KLC3: variants seen among roughly 807,000 people sequenced by gnomAD.
KLC3 encodes kinesin light chain 2.
A neutral mutation model predicts 62.9 loss-of-function variants in KLC3; 72 were observed. The ratio of observed to expected loss-of-function variants is 1.15; its 90% CI spans 0.95 to 1.39. The LOEUF (loss-of-function observed/expected upper bound fraction) is 1.39. KLC3 is among the 40% of genes most tolerant of loss of function. The pLI is 0.00. For synonymous variants in KLC3, 377 were observed against 300.5 expected, an observed-to-expected ratio of 1.25 and a Z score of -2.63; for missense variants, 848 against 691.6, an observed-to-expected ratio of 1.23 and a Z score of -2.54.
intron 4 of KLC3, 117 bp downstream of exon 4, chr19:45,347,633 G>A (rs1391472315): frequency 1.1e-6 from 1 of 933,486 alleles, no homozygotes; most frequent in East Asian, 2.5e-5. Flanking sequence ...GCAGGGTGAG[G>A]AGGACCCTGA....
chr19:45,346,762 G>A lies in KLC3; in HGVS notation c.477G>A (p.Pro159=), dbSNP rs751407437. 6.3e-6 allele frequency: 10 copies of A among 1,580,664 alleles called. No individual in the cohort carries two copies. Among genetic ancestry groups the A allele is most frequent in the East Asian group, 2.3e-5 (1 of 42,882 alleles). Residue 159 remains proline, a synonymous_variant, in exon 3 of 13, where the codon CCG becomes CCA. Coordinates refer to ENST00000391946, the MANE Select transcript of KLC3 (RefSeq NM_177417.3). ...GGCAGCTGCGACAGTACGACCCACC[G>A]GCGGAGAGCCAGGTGCCACGGGCAG... The part of the protein sequence containing the change: ...FLGQLRQYDP[P]AESQQSESPP...
intron 3 of KLC3, 188 bp downstream of exon 3, chr19:45,346,962 G>A: frequency 1.9e-6 from 1 of 532,020 alleles, no homozygotes; most frequent in Non-Finnish European, 3.3e-6. Context: ...AACTTCCACA[G>A]ACGCCCCCAC....
intron 8 of KLC3, 94 bp downstream of exon 8, chr19:45,349,696 T>TGGGGGGGGGCCCCCCAGGCC (rs1555774258): frequency 1.5e-6 from 1 of 665,794 alleles, no homozygotes; most frequent in African/African-American, 1.8e-5. Context: ...AACGTGAGGG[T>TGGGGGGGGGCCCCCCAGGCC]GGGGGGGGGC....
intron 1 of KLC3, among the ~76,000 whole-genome samples, chr19:45,341,776 CGT>C (rs3047585): frequency 0.73 from 98,695 of 134,650 alleles, 39,756 homozygotes; most frequent in Non-Finnish European, 0.9. Flanking sequence ...GCCGTGTGTG[CGT>C]GTGTGTGTGT....
chr19:45,349,642 G>T (rs1215241979), intron 8 of KLC3, 40 bp downstream of exon 8: 2 of 1,529,676 alleles, frequency 1.3e-6, no homozygotes, highest in Admixed American at 3.8e-5. Context: ...AGAGTGGAGG[G>T]TCCTGCCCTG....
At chr19:45,349,318 ACT>A (rs1436525846) in intron 7 of KLC3, 109 bp from the exon 8 acceptor site, 170 of 1,115,554 alleles carry the variant, frequency 1.5e-4, no homozygotes, top group Non-Finnish European at 2.1e-4. Flanking sequence ...CTCTCAGGTC[ACT>A]CTCTGCTTTG....
Position 45,350,624 on chromosome 19 carries a change from C to T in KLC3, c.1273-17C>T, listed in dbSNP as rs1971696264. 2 of 1,612,946 alleles carry T rather than the reference C, an allele frequency of 1.2e-6. No homozygotes were observed. Among genetic ancestry groups the T allele is most frequent in the Admixed American group, 3.3e-5 (2 of 59,956 alleles). On this transcript the variant is annotated splice_polypyrimidine_tract_variant and intron_variant, in intron 10 of 12. Transcript: ENST00000391946. ...ATGGGCCTGGGGGACTGAGCAGCAT[C>T]CCCGGCCCCTCCCCAGGCCCTTCGC...
At chr19:45,348,329 A>G (rs1439566548) in intron 5 of KLC3, among the ~76,000 whole-genome samples, 169 bp downstream of exon 5, 1 of 152,112 alleles carries the variant, frequency 6.6e-6, no homozygotes, top group Non-Finnish European at 1.5e-5. Flanking sequence ...GAGAACGGCA[A>G]AGAGGGAGTG....
rs762066937 is a variant in KLC3 at position 45,350,556 on chromosome 19, G to A, written c.1272+5G>A. 8 of 1,614,026 alleles carry A rather than the reference G, an allele frequency of 5.0e-6. No individual in the cohort carries two copies. Among genetic ancestry groups the A allele is most frequent in the South Asian group, 1.1e-5 (1 of 91,064 alleles). On this transcript the variant is annotated splice_donor_5th_base_variant and intron_variant, in intron 10 of 12. Transcript: ENST00000391946. Reference sequence around the variant, plus strand: ...ACAGCTGGTGACGCAGAACAGGTGAGGATGGGCTGTGCTTCGGCTCCTGGG... The same window carrying A: ...ACAGCTGGTGACGCAGAACAGGTGAAGATGGGCTGTGCTTCGGCTCCTGGG...
At chr19:45,350,029 T>C in intron 8 of KLC3, 1 of 452,232 alleles carries the variant, frequency 2.2e-6, no homozygotes, top group Non-Finnish European at 4.0e-6. Flanking sequence ...GGAGGCTGCC[T>C]GTCCTCCATC....
At chr19:45,349,332 CCCTGTAATCCCCAACTCATGA>C in intron 7 of KLC3, 76 bp from the exon 8 acceptor site, 1 of 1,273,332 alleles carries the variant, frequency 7.9e-7, no homozygotes, top group Non-Finnish European at 1.1e-6. Flanking sequence ...TCTGCTTTGA[CCCTGTAATCCCCAACTCATGA>C]CCACCATACA....
In KLC3 at chr19:45,348,685, T is replaced by C. The variant is rs367958936; in HGVS notation, c.819T>C (p.His273=). The change falls in exon 6 of 13, where the codon CAT becomes CAC. Residue 273 remains histidine (H), a synonymous_variant. Coordinates refer to ENST00000391946, the MANE Select transcript of KLC3 (RefSeq NM_177417.3). ...ACAAAGAAGCCACAGACCTTCTCCA[T>C]GATGCCCTGCAGATCCGGGAGCAGA... The part of the protein sequence containing the change: ...NKYKEATDLL[H]DALQIREQTL... 4 of 1,596,786 alleles carry C rather than the reference T, an allele frequency of 2.5e-6. No homozygotes were observed. The highest frequency in any genetic ancestry group is 1.3e-5 in the African/African-American group (1 of 74,570).
intron 11 of KLC3, 96 bp from the exon 12 acceptor site, chr19:45,350,858 T>G: frequency 7.3e-7 from 1 of 1,368,346 alleles, no homozygotes; most frequent in Non-Finnish European, 1.0e-6. Context: ...ATCTCCCCTG[T>G]GATACACACA....
At chr19:45,347,554 C>G (rs779885085) in intron 4 of KLC3, 38 bp downstream of exon 4, 5 of 1,560,990 alleles carry the variant, frequency 3.2e-6, no homozygotes, top group Admixed American at 1.9e-5. Flanking sequence ...GGATGGCAGG[C>G]CAGGGTGGGG....
intron 5 of KLC3, among the ~76,000 whole-genome samples, 192 bp downstream of exon 5, chr19:45,348,352 G>A (rs1233009696): frequency 6.6e-6 from 1 of 151,346 alleles, no homozygotes; most frequent in Admixed American, 6.6e-5. Flanking sequence ...ACAGGGATCT[G>A]GGGGGGCCAC....
chr19:45,341,578 T>TGTGTGTGTGTGTGTGCGCGCGCGCGC, intron 1 of KLC3, among the ~76,000 whole-genome samples: 18 of 139,800 alleles, frequency 1.3e-4, no homozygotes, highest in Non-Finnish European at 2.2e-4. Context: ...TGTGTGTGTG[T>TGTGTGTGTGTGTGTGCGCGCGCGCGC]GCGCGCGCGC....
chr19:45,350,476 TATGTCCCCATCTCA>T (rs1292099794), intron 9 of KLC3, 24 bp from the exon 10 acceptor site: 3 of 1,613,248 alleles, frequency 1.9e-6, no homozygotes, highest in Middle Eastern at 1.7e-4. Context: ...GTGGCTTCTC[TATGTCCCCATCTCA>T]GTGTCCCCCA....
At chr19:45,349,717 G>GGGCCC (rs754362260) in intron 8 of KLC3, 115 bp downstream of exon 8, 7 of 1,056,944 alleles carry the variant, frequency 6.6e-6, no homozygotes, top group South Asian at 1.7e-5. Context: ...CCCCCAGGCC[G>GGGCCC]GGCCCTTGGA....
rs772947502 is a variant in KLC3 at position 45,346,642 on chromosome 19, GC to G, written c.358del (p.Arg120GlyfsTer95). On this transcript the variant is annotated frameshift_variant, in exon 3 of 13. Transcript: ENST00000391946. LOFTEE classifies it high-confidence loss of function. ...GGCTGGCCCAGGAGAACGTGTGGCT[GC>G]GGGAGGAACTGGAGGAGACGCAGCG... The part of the protein sequence containing the change: ...RRLAQENVWL[R>X]EELEETQRRL... The G allele has an allele frequency of 1.7e-5, 26 of 1,554,816 alleles. No individual in the cohort carries two copies. The South Asian group carries it at 2.7e-4, about 16-fold the overall frequency.
Sources: allele counts gnomAD v4.1 joint callset (sites outside exome capture counted in the v4.1 genomes callset), GRCh38; gene constraint gnomAD v4.1.1; transcripts MANE v1.5; gene names NCBI Gene and HGNC (gene_info 2026-07-23, HGNC 2026-07-21).